Variants in MYRIP observed in about 807,000 individuals in gnomAD.
MYRIP encodes rab effector MyRIP.
A neutral mutation model predicts 98.0 loss-of-function variants in MYRIP; 49 were observed. That is an observed-to-expected ratio of 0.50 (90% CI 0.40 to 0.63). The LOEUF (loss-of-function observed/expected upper bound fraction) is 0.63, where lower values mean the gene tolerates loss of function less well. Among genes scored for constraint, MYRIP ranks in the 30% least tolerant of loss-of-function variants. The probability of loss-of-function intolerance (pLI) is 0.00; values close to 1 mark genes in which losing one functional copy is unlikely to be tolerated. For synonymous variants in MYRIP, 404 were observed against 409.5 expected, an observed-to-expected ratio of 0.99 and a Z score of 0.16; for missense variants, 1,004 against 1,058.2, an observed-to-expected ratio of 0.95 and a Z score of 0.71.
intron 3 of MYRIP, among the ~76,000 whole-genome samples, chr3:40,139,605 G>A (rs1949851686): frequency 6.6e-6 from 1 of 151,916 alleles, no homozygotes; most frequent in African/African-American, 2.4e-5. Flanking sequence ...TTTGAGACAG[G>A]GTCGCCTTCT....
intron 11 of MYRIP, among the ~76,000 whole-genome samples, chr3:40,219,314 GTTTGT>G (rs1380450766): frequency 2.6e-5 from 4 of 152,034 alleles, no homozygotes; most frequent in African/African-American, 7.2e-5. Context: ...TAAATATTTT[GTTTGT>G]TTTATTTTAT....
chr3:40,231,217 C>T (rs140406929), intron 11 of MYRIP, among the ~76,000 whole-genome samples: 2,503 of 152,322 alleles, frequency 0.016, 17 homozygotes, highest in East Asian at 0.031. Flanking sequence ...GAAGCTGTGG[C>T]GCTCTCCTCA....
chr3:39,989,030 A>G (rs1292283248), intron 2 of MYRIP, among the ~76,000 whole-genome samples: 1 of 151,846 alleles, frequency 6.6e-6, no homozygotes, highest in African/African-American at 2.4e-5. Flanking sequence ...TGTCCATCTC[A>G]TCTTCCATCC....
rs117223878 is a variant in MYRIP, at chr3:40,213,871, G to A, written c.1905+3778G>A. ...CTAACTAGTGACTGATGGGAAGGGT[G>A]TAAATATCCCAGCTCCTTTGCTTTG... On this transcript the variant is annotated intron_variant, in intron 11 of 16. Transcript: ENST00000302541. 1.0e-3 allele frequency among the ~76,000 whole-genome samples: 153 copies of A among 152,308 alleles called. 4 individuals carry two copies. In the East Asian group the frequency reaches 0.027, roughly 27 times the overall value.
intron 2 of MYRIP, among the ~76,000 whole-genome samples, chr3:39,983,798 C>T (rs1313843576): frequency 6.6e-6 from 1 of 152,126 alleles, no homozygotes; most frequent in Non-Finnish European, 1.5e-5. Flanking sequence ...TACTTGAGAA[C>T]ATTCACCTTC....
At chr3:40,123,491 C>G (rs1949449972) in intron 3 of MYRIP, among the ~76,000 whole-genome samples, 1 of 152,216 alleles carries the variant, frequency 6.6e-6, no homozygotes, top group South Asian at 2.1e-4. Context: ...CATGTGGCCT[C>G]TCCAGCATAA....
At chr3:39,836,152 C>A (rs1005773262) in intron 1 of MYRIP, among the ~76,000 whole-genome samples, 29 of 152,070 alleles carry the variant, frequency 1.9e-4, no homozygotes, top group Non-Finnish European at 3.1e-4. Flanking sequence ...GGTTCTAGAT[C>A]CTTGAGGAAT....
At chr3:40,256,505 CTCTACA>C (rs924323697) in intron 16 of MYRIP, among the ~76,000 whole-genome samples, 1 of 151,706 alleles carries the variant, frequency 6.6e-6, no homozygotes, top group East Asian at 1.9e-4. Context: ...GAAATGATCT[CTCTACA>C]TCTACATCTA....
chr3:40,078,776 C>G (rs1469594103), intron 3 of MYRIP, among the ~76,000 whole-genome samples: 1 of 152,112 alleles, frequency 6.6e-6, no homozygotes, highest in Non-Finnish European at 1.5e-5. Flanking sequence ...GTTGTTCTGC[C>G]AAGAATTGGC....
chr3:40,219,433 C>G (rs2065026925), intron 11 of MYRIP, among the ~76,000 whole-genome samples: 1 of 152,132 alleles, frequency 6.6e-6, no homozygotes, highest in Non-Finnish European at 1.5e-5. Flanking sequence ...GTGCTGCACC[C>G]ATTAACTCAT....
chr3:39,872,615 A>C (rs1057499513), intron 1 of MYRIP, among the ~76,000 whole-genome samples: 1 of 150,640 alleles, frequency 6.6e-6, no homozygotes, highest in Non-Finnish European at 1.5e-5. Flanking sequence ...GCGATAGTTT[A>C]CTGAGAATGA....
rs533515726 is a variant in MYRIP, at chr3:40,069,407, T to C, written c.332+25136T>C. On this transcript the variant is annotated intron_variant, in intron 3 of 16. Transcript: ENST00000302541. ...ATTTCGCAAGATACTTTTTTTTTTTTTTGCTTTTTAAAGTGTGATATAATA... is the reference window on the plus strand; with the variant it reads ...ATTTCGCAAGATACTTTTTTTTTTTCTTGCTTTTTAAAGTGTGATATAATA... 2.3e-3 allele frequency among the ~76,000 whole-genome samples: 352 copies of C among 151,614 alleles called. 2 individuals are homozygous for C. Among genetic ancestry groups the C allele is most frequent in the Middle Eastern group, 0.014 (4 of 294 alleles).
intron 2 of MYRIP, among the ~76,000 whole-genome samples, chr3:39,997,283 C>T (rs1946385478): frequency 6.6e-6 from 1 of 151,876 alleles, no homozygotes; most frequent in Non-Finnish European, 1.5e-5. Context: ...TGATAGACCC[C>T]TAGCAAGACT....
chr3:39,868,506 G>A (rs1206849386), intron 1 of MYRIP, among the ~76,000 whole-genome samples: 1 of 152,042 alleles, frequency 6.6e-6, no homozygotes, highest in Non-Finnish European at 1.5e-5. Context: ...TCTGCCCTGG[G>A]TACCTCTCCA....
chr3:39,827,358 C>T (rs1301193885), intron 1 of MYRIP, among the ~76,000 whole-genome samples: 1 of 152,210 alleles, frequency 6.6e-6, no homozygotes, highest in African/African-American at 2.4e-5. Flanking sequence ...AGCGATCCTC[C>T]CATCTTGGCC....
intron 10 of MYRIP, among the ~76,000 whole-genome samples, chr3:40,206,252 G>T (rs1174460498): frequency 6.6e-6 from 1 of 152,054 alleles, no homozygotes; most frequent in Admixed American, 6.6e-5. Context: ...CCCTTTGCAG[G>T]CTAAAAATAC....
At chr3:39,983,945 C>G (rs989501444) in intron 2 of MYRIP, among the ~76,000 whole-genome samples, 1 of 152,100 alleles carries the variant, frequency 6.6e-6, no homozygotes, top group African/African-American at 2.4e-5. Context: ...AAATAATTTA[C>G]CATATTTTCC....
chr3:40,035,787 G>A (rs78630740), intron 2 of MYRIP, among the ~76,000 whole-genome samples: 4,160 of 151,900 alleles, frequency 0.027, 115 homozygotes, highest in African/African-American at 0.072. Flanking sequence ...AGAAGGTATA[G>A]GAACCAAGAA....
chr3:40,083,135 G>A (rs1173845170), intron 3 of MYRIP, among the ~76,000 whole-genome samples: 1 of 152,128 alleles, frequency 6.6e-6, no homozygotes, highest in Non-Finnish European at 1.5e-5. Flanking sequence ...CCAGAATTAG[G>A]GAGTCAGATA....
Sources: allele counts gnomAD v4.1 joint callset (sites outside exome capture counted in the v4.1 genomes callset), GRCh38; gene constraint gnomAD v4.1.1; transcripts MANE v1.5; gene names NCBI Gene and HGNC (gene_info 2026-07-23, HGNC 2026-07-21).